The following TSC1 variants were observed in gnomAD, a reference collection of about 807,000 sequenced individuals.
The protein encoded by TSC1 is hamartin.
Under a neutral mutation model 124.3 loss-of-function variants are expected in TSC1, and 20 were observed. The observed-to-expected ratio is 0.16, with a 90% CI of 0.11 to 0.23. TSC1 has a LOEUF of 0.23. Among genes scored for constraint, TSC1 ranks in the 10% least tolerant of loss-of-function variants. TSC1 has a pLI of 1.00. For missense variants in TSC1, 1,124 were observed against 1,448.5 expected (o/e 0.78, Z 3.64); for synonymous variants, 493 against 539.1 (o/e 0.91, Z 1.19).
chr9:132,927,188 T>C lies in TSC1; in HGVS notation c.210+13A>G, dbSNP rs759235039. On this transcript the variant is annotated intron_variant, in intron 4 of 22. Coordinates refer to ENST00000298552, the MANE Select transcript of TSC1 (RefSeq NM_000368.5). ...AAGAACATATGAAATGCCTATGATA[T>C]TTCAGCCATTACCTTGTCATGTGGC... 17 of 1,613,062 alleles carry C rather than the reference T, an allele frequency of 1.1e-5. No individual in the cohort carries two copies. Among genetic ancestry groups the C allele is most frequent in the Non-Finnish European group, 1.4e-5 (17 of 1,179,336 alleles).
intron 1 of TSC1, chr9:132,939,178 C>T (rs1847613142): frequency 6.6e-6 from 1 of 152,176 alleles, no homozygotes; most frequent in Non-Finnish European, 1.5e-5. Context: ...CAGGTGACTT[C>T]TTAGGGTAAT....
rs397514840 is a variant in TSC1, at chr9:132,910,603, G to T, written c.1231C>A (p.Leu411Ile). 5.0e-6 allele frequency: 8 copies of T among 1,614,144 alleles called. No individual in the cohort carries two copies. The African/African-American group carries it at 9.3e-5, about 19-fold the overall frequency. The part of the protein sequence containing the change: ...CHSDDYVHIS[L>I]PQATVTPPRK... Reference sequence around the variant, plus strand: ...GGGGGTGTGACTGTGGCCTGGGGGAGTGAAATGTGCACGTAGTCATCCGAA... The same window carrying T: ...GGGGGTGTGACTGTGGCCTGGGGGATTGAAATGTGCACGTAGTCATCCGAA... Residue 411 changes from leucine (L) to isoleucine (I), a missense_variant, in exon 12 of 23, where the codon CTC becomes ATC. Leu to Ile is a conservative substitution (Grantham distance 5). Around this residue, in one of 5 missense-constraint regions of TSC1, gnomAD observed 463 missense variants for 606.8 expected, o/e 0.76. Coordinates refer to ENST00000298552, the MANE Select transcript of TSC1 (RefSeq NM_000368.5).
chr9:132,921,908 A>G lies in TSC1; in HGVS notation c.574T>C (p.Tyr192His), dbSNP rs786202831. The part of the protein sequence containing the change: ...ASVYALFHRL[Y>H]GMYPCNFVSF... ...ACGAAGTTGCAAGGGTACATTCCAT[A>G]AAGGCGATGAAAGAGTGCGTACACA... Residue 192 changes from tyrosine (Y) to histidine (H), a missense_variant, in exon 7 of 23, where the codon TAT (tyrosine) becomes CAT (histidine). Around this residue, in one of 5 missense-constraint regions of TSC1, gnomAD observed 463 missense variants for 606.8 expected, o/e 0.76. Transcript: ENST00000298552. This position sits in a 1 kb window ranked among gnomAD's most constrained non-coding sequence, Gnocchi z 4.3. 1 of 1,614,210 alleles carries G rather than the reference A, an allele frequency of 6.2e-7. No individual in the cohort carries two copies. The highest frequency in any genetic ancestry group is 8.5e-7 in the Non-Finnish European group (1 of 1,180,022).
rs1187089243 is a variant in TSC1, at chr9:132,916,089, T to C, written c.738-3632A>G. 7.9e-5 allele frequency among the ~76,000 whole-genome samples: 12 copies of C among 152,360 alleles called. No homozygotes were observed. The East Asian group carries it at 2.3e-3, about 29-fold the overall frequency. On this transcript the variant is annotated intron_variant, in intron 8 of 22. Coordinates refer to ENST00000298552, the MANE Select transcript of TSC1 (RefSeq NM_000368.5). ...AAGTAATTTATGCACTTACAGTATTTCCCTGCTTCTTAAAAGGACTTTTCA... is the reference window on the plus strand; with the variant it reads ...AAGTAATTTATGCACTTACAGTATTCCCCTGCTTCTTAAAAGGACTTTTCA...
rs145043176 is a variant in TSC1 at position 132,938,330 on chromosome 9, G to A, written c.-143-3235C>T. Among the ~76,000 whole-genome samples the A allele has an allele frequency of 1.6e-3, 237 of 152,254 alleles. 2 individuals are homozygous for A. The highest frequency in any genetic ancestry group is 5.2e-3 in the African/African-American group (214 of 41,524). On this transcript the variant is annotated intron_variant, in intron 1 of 22. Transcript: ENST00000298552. ...GAGCAGAACACCAGTGTCAATCCAC[G>A]TCCTTATCTTCGAAAGCCAAATTTA...
In TSC1 at chr9:132,926,911, A is replaced by G. The variant is rs10901223; in HGVS notation, c.210+290T>C. 0.46 allele frequency: 174,224 copies of G among 381,414 alleles called. 41,850 individuals are homozygous for G. Among genetic ancestry groups the G allele is most frequent in the South Asian group, 0.59 (26,708 of 45,652 alleles). 23.6% of individuals were successfully genotyped at this position (381,414 alleles called of 1,614,324 possible). A position where few individuals can be genotyped will look rare whatever the true frequency, so the allele number is the denominator to read the frequency against. Reference sequence around the variant, plus strand: ...AGGCTGGTCTCAAACTCGTGACCTCAGGCAATCCACCCGCCTCGGCCTCCT... The same window carrying G: ...AGGCTGGTCTCAAACTCGTGACCTCGGGCAATCCACCCGCCTCGGCCTCCT... On this transcript the variant is annotated intron_variant, in intron 4 of 22. Coordinates refer to ENST00000298552, the MANE Select transcript of TSC1 (RefSeq NM_000368.5).
rs779206386 is a variant in TSC1 at position 132,906,050 on chromosome 9, C to T, written c.1528G>A (p.Asp510Asn). 2 of 1,614,102 alleles carry T rather than the reference C, an allele frequency of 1.2e-6. No homozygotes were observed. The highest frequency in any genetic ancestry group is 4.5e-5 in the East Asian group (2 of 44,876). Reference sequence around the variant, plus strand: ...TTCCGCTGAGAACCTGGGAGACTGTCTCGGTAAAAGGGAGAGTCAAAGCCT... The same window carrying T: ...TTCCGCTGAGAACCTGGGAGACTGTTTCGGTAAAAGGGAGAGTCAAAGCCT... ...RGGFDSPFYRDSLPGSQRKTH... is the reference protein window; with the variant it reads ...RGGFDSPFYRNSLPGSQRKTH... Residue 510 changes from aspartate (D) to asparagine (N), a missense_variant, in exon 15 of 23, where the codon GAC (aspartate) becomes AAC (asparagine). Physicochemically the swap from Asp to Asn is conservative, Grantham distance 23. This residue lies in a region of TSC1 where 9 missense variants were observed against 34.2 expected (regional missense o/e 0.26). Transcript: ENST00000298552. The surrounding 1 kb of genome is among the most constrained non-coding windows in gnomAD (Gnocchi z 4.1).
chr9:132,895,534 G>A lies in TSC1; in HGVS notation c.*701C>T. 4.3e-6 allele frequency: 1 copy of A among 233,922 alleles called. No individual in the cohort carries two copies. Among genetic ancestry groups the A allele is most frequent in the Non-Finnish European group, 8.5e-6 (1 of 118,296 alleles). 14.5% of individuals were successfully genotyped at this position (233,922 alleles called of 1,614,324 possible). On this transcript the variant is annotated 3_prime_UTR_variant, in exon 23 of 23. Transcript: ENST00000298552. ...GAGGTAGTGGGGGAAGAAGAGACAA[G>A]AGCTTTCCCAAAGGGTGTGTGGTCT...
chr9:132,942,945 C>A (rs1446199253), intron 1 of TSC1, among the ~76,000 whole-genome samples: 1 of 152,206 alleles, frequency 6.6e-6, no homozygotes, highest in African/African-American at 2.4e-5. Flanking sequence ...CATTTCCCTA[C>A]ACAACCCTAA....
rs1038140620 is a variant in TSC1 at position 132,905,694 on chromosome 9, T to C, written c.1884A>G (p.Leu628=). 3.1e-6 allele frequency: 5 copies of C among 1,614,134 alleles called. No individual in the cohort carries two copies. In the African/African-American group the frequency reaches 5.3e-5, roughly 17 times the overall value. The change falls in exon 15 of 23, where the codon TTA becomes TTG. Residue 628 remains leucine (L), a synonymous_variant. Transcript: ENST00000298552. ...CCTCTGTGTTTCCTTTTGCTTTCTT[T>C]AACAGCTCCTCAGTCTTCCTGATGA... ...HFVIRKTEEL[L]KKAKGNTEED... is the part of the protein sequence containing the mutation.
At position 132,921,407 on chromosome 9, in the gene TSC1, C is replaced by T. The variant is rs749311040; in HGVS notation, c.693G>A (p.Pro231=). Residue 231 remains proline (P), a synonymous_variant, in exon 8 of 23, where the codon CCG becomes CCA. Transcript: ENST00000298552. The surrounding 1 kb of genome is among the most constrained non-coding windows in gnomAD (Gnocchi z 4.3). ...KPMMEHVRIH[P]ELVTGSKDHE... ...GGTCCTTGGATCCAGTCACTAATTC[C>T]GGATGAATTCGCACATGCTCCATCA... 4 of 1,614,088 alleles carry T rather than the reference C, an allele frequency of 2.5e-6. No homozygotes were observed. Among genetic ancestry groups the T allele is most frequent in the Non-Finnish European group, 2.5e-6 (3 of 1,179,996 alleles).
intron 8 of TSC1, among the ~76,000 whole-genome samples, chr9:132,916,226 C>T (rs768697344): frequency 2.6e-5 from 4 of 152,084 alleles, no homozygotes; most frequent in East Asian, 1.9e-4. Context: ...ACACATCTAA[C>T]GGCATCTGAG....
chr9:132,918,464 C>T (rs148912916), intron 8 of TSC1, among the ~76,000 whole-genome samples: 45 of 152,326 alleles, frequency 3.0e-4, no homozygotes, highest in African/African-American at 9.4e-4. Flanking sequence ...CCCAACTCTA[C>T]ACTCCCAAGC....
At position 132,932,790 on chromosome 9, in the gene TSC1, C is replaced by T. The variant is rs1363029231; in HGVS notation, c.-81+2243G>A. Among the ~76,000 whole-genome samples the T allele has an allele frequency of 3.9e-5, 6 of 152,338 alleles. No individual in the cohort carries two copies. In the East Asian group the frequency reaches 1.2e-3, roughly 29 times the overall value. ...GCATGAAACACTCTTCTCCCACATC[C>T]TTGCACAGCTGACGGTCTCGCAGAT... On this transcript the variant is annotated intron_variant, in intron 2 of 22. Transcript: ENST00000298552.
intron 3 of TSC1, 22 bp from the exon 4 acceptor site, chr9:132,927,326 G>T: frequency 6.2e-7 from 1 of 1,603,034 alleles, no homozygotes; most frequent in Non-Finnish European, 8.5e-7. Flanking sequence ...AAAGGGCAAT[G>T]GATGATACTT....
At chr9:132,944,807 T>C (rs963674776), upstream of TSC1, 10 of 389,360 alleles carry the variant, frequency 2.6e-5, no homozygotes, top group African/African-American at 1.5e-4. Flanking sequence ...GTAAGGAGGG[T>C]TTTTATGGAG....
At position 132,894,911 on chromosome 9, in the gene TSC1, GCGTTT is replaced by G; in HGVS notation, c.*1319_*1323del. On this transcript the variant is annotated 3_prime_UTR_variant, in exon 23 of 23. Coordinates refer to ENST00000298552, the MANE Select transcript of TSC1 (RefSeq NM_000368.5). ...CCAGACCACAGTTCTTAGGCTTCTAGCGTTTCTTTCAGGAGCACTTGTTGAGTTTG... is the reference window on the plus strand; with the variant it reads ...CCAGACCACAGTTCTTAGGCTTCTAGCTTTCAGGAGCACTTGTTGAGTTTG... 1 of 231,968 alleles carries G rather than the reference GCGTTT, an allele frequency of 4.3e-6. No homozygotes were observed. Among genetic ancestry groups the G allele is most frequent in the Non-Finnish European group, 8.5e-6 (1 of 117,238 alleles). The allele number at this position is 231,968 out of a possible 1,614,324, so 14.4% of individuals were successfully genotyped here.
chr9:132,926,251 C>G (rs1477818911), intron 4 of TSC1: 5 of 194,160 alleles, frequency 2.6e-5, no homozygotes, highest in African/African-American at 1.2e-4. Context: ...TAGCTTGAGG[C>G]CAGGAGTTCA....
intron 8 of TSC1, among the ~76,000 whole-genome samples, chr9:132,915,630 T>A (rs1053870685): frequency 3.9e-5 from 6 of 152,366 alleles, no homozygotes; most frequent in Middle Eastern, 3.4e-3. Context: ...AGTAACTCCA[T>A]CAGAGATTTG....
Sources: gnomAD v4.1 joint callset for allele counts (sites outside exome capture counted in the v4.1 genomes callset) on GRCh38, gnomAD v4.1.1 for gene constraint, gnomAD v4.1.1 regional missense constraint, Gnocchi (gnomAD v3.1) non-coding constraint, MANE v1.5 for transcripts, NCBI Gene and HGNC (gene_info 2026-07-23, HGNC 2026-07-21) for gene names.